The following MBNL2 variants were observed in gnomAD, a reference collection of about 807,000 sequenced individuals.
MBNL2 encodes muscleblind like splicing regulator 2, also known as muscleblind-like protein 2.
A neutral mutation model predicts 41.9 loss-of-function variants in MBNL2; 17 were observed. The observed-to-expected ratio is 0.41, with a 90% CI of 0.28 to 0.61. The LOEUF (loss-of-function observed/expected upper bound fraction) is 0.61, where lower values mean the gene tolerates loss of function less well. MBNL2 is among the 20% of genes least tolerant of loss of function. The pLI is 0.35. For synonymous variants in MBNL2, 195 were observed against 182.9 expected, an observed-to-expected ratio of 1.07 and a Z score of -0.53; for missense variants, 336 against 505.6, an observed-to-expected ratio of 0.66 and a Z score of 3.22.
At chr13:97,365,044 T>C (rs565241326) in intron 7 of MBNL2, 92 bp from the exon 8 acceptor site, 1 of 834,374 alleles carries the variant, frequency 1.2e-6, no homozygotes, top group Admixed American at 1.7e-5. Flanking sequence ...TTTCTGGTTG[T>C]GCTTCAATCT....
chr13:97,256,794 T>C (rs2047633948), intron 1 of MBNL2, among the ~76,000 whole-genome samples: 1 of 152,236 alleles, frequency 6.6e-6, no homozygotes, highest in Non-Finnish European at 1.5e-5. Context: ...CTGTTTCTTT[T>C]GATTCTTAGC....
the MBNL2 span, among the ~76,000 whole-genome samples, chr13:97,175,100 C>A: frequency 6.6e-6 from 1 of 152,160 alleles, no homozygotes; most frequent in African/African-American, 2.4e-5. Context: ...AATGACTGAA[C>A]ATTACAGTTG....
At chr13:97,200,134 C>A in the MBNL2 span, among the ~76,000 whole-genome samples, 16,229 of 152,264 alleles carry the variant, frequency 0.11, 1,848 homozygotes, top group African/African-American at 0.29. Context: ...CCTCCAGCCT[C>A]CATGCTGTGG....
intron 2 of MBNL2, among the ~76,000 whole-genome samples, chr13:97,285,061 C>A (rs994140343): frequency 4.6e-5 from 7 of 152,080 alleles, no homozygotes; most frequent in African/African-American, 1.7e-4. Flanking sequence ...GTGTAATATT[C>A]TATTCTTTCT....
chr13:97,228,175 G>T (rs986424030), intron 1 of MBNL2, among the ~76,000 whole-genome samples: 1 of 152,094 alleles, frequency 6.6e-6, no homozygotes, highest in African/African-American at 2.4e-5. Context: ...GCCCCACAAA[G>T]TTAATACTAT....
intron 8 of MBNL2, among the ~76,000 whole-genome samples, chr13:97,374,028 C>T (rs1292610231): frequency 7.1e-6 from 1 of 141,482 alleles, no homozygotes; most frequent in Non-Finnish European, 1.5e-5. Context: ...GTGGACGGTC[C>T]TTTGCATAAC....
the MBNL2 span, among the ~76,000 whole-genome samples, chr13:97,187,570 G>A: frequency 1.6e-5 from 2 of 122,080 alleles, no homozygotes; most frequent in Non-Finnish European, 3.2e-5. Context: ...TTCTGCCACT[G>A]GGAATCCTCA....
At chr13:97,224,451 T>C (rs770596675) in intron 1 of MBNL2, among the ~76,000 whole-genome samples, 61 of 152,206 alleles carry the variant, frequency 4.0e-4, no homozygotes, top group Non-Finnish European at 5.7e-4. Context: ...AAAAAGATTT[T>C]GACTGGAGCA....
the MBNL2 span, among the ~76,000 whole-genome samples, chr13:97,176,960 A>G: frequency 3.9e-5 from 6 of 152,174 alleles, no homozygotes; most frequent in Non-Finnish European, 5.9e-5. Context: ...AAGGGCAGAA[A>G]AAAAATATAG....
In MBNL2 at chr13:97,357,513, C is replaced by A. The variant is rs764628784; in HGVS notation, c.890C>A (p.Pro297Gln). 1.9e-6 allele frequency: 3 copies of A among 1,614,058 alleles called. No homozygotes were observed. Among genetic ancestry groups the A allele is most frequent in the Non-Finnish European group, 2.5e-6 (3 of 1,179,980 alleles). The change falls in exon 7 of 9, where the codon CCA becomes CAA. Residue 297 changes from proline to glutamine, a missense_variant. Pro to Gln is a moderately conservative substitution (Grantham distance 76). Transcript: ENST00000679496. ...CCCCCTGGTGCTCTTCATCCTTTACCAAAGAGACAAGCACTTGAAAAAAGC... is the reference window on the plus strand; with the variant it reads ...CCCCCTGGTGCTCTTCATCCTTTACAAAAGAGACAAGCACTTGAAAAAAGC... ...AFPPGALHPL[P>Q]KRQALEKSNG...
the MBNL2 span, among the ~76,000 whole-genome samples, chr13:97,211,787 A>T: frequency 6.6e-6 from 1 of 152,336 alleles, no homozygotes; most frequent in Admixed American, 6.5e-5. Context: ...AAATTATTTT[A>T]AAAATAAAGA....
intron 8 of MBNL2, among the ~76,000 whole-genome samples, chr13:97,373,605 A>AAAAAATAT (rs375523597): frequency 6.9e-6 from 1 of 145,390 alleles, no homozygotes; most frequent in African/African-American, 2.5e-5. Context: ...GTATGCTAAA[A>AAAAAATAT]ATATATATAT....
rs34769353 is a variant in MBNL2, at chr13:97,232,851, ATGTGTGTGTGTG to A, written c.-605+10349_-605+10360del. Among the ~76,000 whole-genome samples the A allele has an allele frequency of 1.1e-3, 142 of 130,578 alleles. 1 individual carries two copies. The highest frequency in any genetic ancestry group is 3.7e-3 in the South Asian group (14 of 3,750). The allele number at this position is 130,578 out of a possible 152,430, so 85.7% of individuals were successfully genotyped here. A position where few individuals can be genotyped will look rare whatever the true frequency, so the allele number is the denominator to read the frequency against. On this transcript the variant is annotated intron_variant, in intron 1 of 8. Coordinates refer to ENST00000679496, the MANE Select transcript of MBNL2 (RefSeq NM_001382683.1). Reference sequence around the variant, plus strand: ...CGGCCTTTTTCTTACTCTTGACGCTATGTGTGTGTGTGTGTGTGTGTGTGTGTGTGTGTGTGT... The same window carrying A: ...CGGCCTTTTTCTTACTCTTGACGCTATGTGTGTGTGTGTGTGTGTGTGTGT...
At chr13:97,271,646 T>G (rs1383147682) in intron 1 of MBNL2, among the ~76,000 whole-genome samples, 1 of 152,104 alleles carries the variant, frequency 6.6e-6, no homozygotes, top group Non-Finnish European at 1.5e-5. Flanking sequence ...GTGTTCTCAG[T>G]GTTTAACTTC....
the MBNL2 span, among the ~76,000 whole-genome samples, chr13:97,216,130 T>C: frequency 5.3e-4 from 81 of 152,312 alleles, 4 homozygotes; most frequent in South Asian, 0.014. Context: ...TTTCTTGCGA[T>C]AAATTCAGGA....
chr13:97,325,032 G>A (rs1367433966), intron 2 of MBNL2, among the ~76,000 whole-genome samples: 2 of 152,046 alleles, frequency 1.3e-5, no homozygotes, highest in Non-Finnish European at 2.9e-5. Flanking sequence ...ACACACCTAG[G>A]AACAATACTT....
chr13:97,319,184 A>T (rs1237034061), intron 2 of MBNL2, among the ~76,000 whole-genome samples: 1 of 152,148 alleles, frequency 6.6e-6, no homozygotes, highest in Non-Finnish European at 1.5e-5. Context: ...CAAAAAGAGA[A>T]GCCTGCGGGA....
Position 97,277,595 on chromosome 13 carries a change from A to G in MBNL2, c.174+1186A>G, listed in dbSNP as rs142840688. On this transcript the variant is annotated intron_variant, in intron 2 of 8. Transcript: ENST00000679496. The stretch of plus-strand genomic sequence containing the variant: ...AAATTTATAATTTTGTAAGACTTCA[A>G]ACTTATATTTAAGTTTTAATATATC... Among the ~76,000 whole-genome samples, 4 of 152,322 alleles carry G rather than the reference A, an allele frequency of 2.6e-5. No individual in the cohort carries two copies. The South Asian group carries it at 6.2e-4, about 24-fold the overall frequency.
intron 7 of MBNL2, among the ~76,000 whole-genome samples, chr13:97,361,230 T>C (rs1452657733): frequency 6.6e-6 from 1 of 152,140 alleles, no homozygotes; most frequent in African/African-American, 2.4e-5. Flanking sequence ...TTACGAAGGA[T>C]ATGGAGAAAC....
Sources: gnomAD v4.1 joint callset for allele counts (sites outside exome capture counted in the v4.1 genomes callset) on GRCh38, gnomAD v4.1.1 for gene constraint, MANE v1.5 for transcripts, NCBI Gene and HGNC (gene_info 2026-07-23, HGNC 2026-07-21) for gene names.